Variants in PAK1IP1 observed in about 807,000 individuals in gnomAD.
PAK1IP1 encodes PAK1 interacting protein 1.
In PAK1IP1, 24 loss-of-function variants were observed where a neutral mutation model predicts 42.0. That is an observed-to-expected ratio of 0.57 (90% CI 0.41 to 0.80). The LOEUF is 0.80. Ranked by LOEUF, PAK1IP1 falls within the 30% of genes least tolerant of loss-of-function variation. The probability of loss-of-function intolerance (pLI) is 0.00; values close to 1 mark genes in which losing one functional copy is unlikely to be tolerated. For missense variants in PAK1IP1, 411 were observed against 467.9 expected (o/e 0.88, Z 1.12); for synonymous variants, 154 against 156.7 (o/e 0.98, Z 0.13).
chr6:10,693,069 A>G (rs1382816768), upstream of PAK1IP1, among the ~76,000 whole-genome samples: 4 of 152,310 alleles, frequency 2.6e-5, no homozygotes, highest in East Asian at 3.9e-4. Context: ...CTTTGTGCTA[A>G]TAACTCTGTT....
At chr6:10,707,375 G>T in intron 7 of PAK1IP1, 40 bp from the exon 8 acceptor site, 1 of 1,088,952 alleles carries the variant, frequency 9.2e-7, no homozygotes, top group South Asian at 1.3e-5. Context: ...AGACTATTTG[G>T]AGGAAAAGAT....
upstream of PAK1IP1, chr6:10,694,604 C>T: frequency 6.1e-5 from 12 of 196,386 alleles, no homozygotes; most frequent in South Asian, 2.2e-4. Context: ...CCCTAAGCAA[C>T]CGGCCGGAAG....
Position 10,697,637 on chromosome 6 carries a change from A to G in PAK1IP1, c.247+151A>G, listed in dbSNP as rs112037016. 1,186 of 621,054 alleles carry G rather than the reference A, an allele frequency of 1.9e-3. 11 individuals are homozygous for G. The African/African-American group carries it at 0.02, about 10-fold the overall frequency. The allele number at this position is 621,054 out of a possible 1,614,324, so 38.5% of individuals were successfully genotyped here. On this transcript the variant is annotated intron_variant, in intron 2 of 9. Transcript: ENST00000379568. Reference sequence around the variant, plus strand: ...AAAAATGGTTTCTTAGCCTGGCACAATGGCTCACACCTGTAATCCCAGCAC... The same window carrying G: ...AAAAATGGTTTCTTAGCCTGGCACAGTGGCTCACACCTGTAATCCCAGCAC...
intron 1 of PAK1IP1, 89 bp from the exon 2 acceptor site, chr6:10,697,235 G>A: frequency 9.7e-7 from 1 of 1,033,376 alleles, no homozygotes; most frequent in Non-Finnish European, 1.4e-6. Context: ...ACAGATAAAT[G>A]GTTCCGTGAT....
chr6:10,701,644 T>C (rs1770030730), intron 2 of PAK1IP1, among the ~76,000 whole-genome samples: 1 of 152,184 alleles, frequency 6.6e-6, no homozygotes, highest in African/African-American at 2.4e-5. Flanking sequence ...ATCTGAGTGA[T>C]AAGGATTGGA....
Position 10,700,247 on chromosome 6 carries a change from C to CAG in PAK1IP1, c.248-2122_248-2121insAG, listed in dbSNP as rs545581993. Among the ~76,000 whole-genome samples the CAG allele has an allele frequency of 6.0e-3, 912 of 152,070 alleles. 8 individuals carry two copies. The highest frequency in any genetic ancestry group is 0.021 in the African/African-American group (864 of 41,480). ...CTAATTTTTGTATTTTTAGTAGAGA[C>CAG]GGGTCTAACCATGTTGGCCAAGCTG... On this transcript the variant is annotated intron_variant, in intron 2 of 9. Transcript: ENST00000379568.
At chr6:10,706,756 G>A (rs1770213716) in intron 7 of PAK1IP1, among the ~76,000 whole-genome samples, 1 of 152,054 alleles carries the variant, frequency 6.6e-6, no homozygotes, top group East Asian at 1.9e-4. Flanking sequence ...GGTGGCGCAC[G>A]CCTGTAATCC....
intron 2 of PAK1IP1, among the ~76,000 whole-genome samples, chr6:10,701,274 G>A (rs576837932): frequency 2.2e-4 from 34 of 151,958 alleles, no homozygotes; most frequent in African/African-American, 6.5e-4. Flanking sequence ...ACGGGGTTTC[G>A]CCATGTTGGC....
Position 10,694,978 on chromosome 6 carries a change from G to A in PAK1IP1, c.-8G>A. ...CCGGGCTGGCGGAAGAGGCACGTGC[G>A]CTGCTGAATGGAGCTGGTCGCTGGT... On this transcript the variant is annotated 5_prime_UTR_variant, in exon 1 of 10. Coordinates refer to ENST00000379568, the MANE Select transcript of PAK1IP1 (RefSeq NM_017906.3). The A allele has an allele frequency of 6.3e-7, 1 of 1,592,646 alleles. No individual in the cohort carries two copies. Among genetic ancestry groups the A allele is most frequent in the South Asian group, 1.1e-5 (1 of 90,822 alleles).
intron 1 of PAK1IP1, 123 bp downstream of exon 1, chr6:10,695,192 C>T: frequency 1.5e-6 from 1 of 646,412 alleles, no homozygotes; most frequent in Non-Finnish European, 2.8e-6. Context: ...TGAATCAAAC[C>T]TAAGAGACTT....
rs1048172 is a variant in PAK1IP1 at position 10,709,604 on chromosome 6, A to T, written c.*152A>T. ...AAACCACTTTTAGATGGTTTTTTTT[A>T]AAAAAAAAAAAAAAACTGGTAAAAT... On this transcript the variant is annotated 3_prime_UTR_variant, in exon 10 of 10. Transcript: ENST00000379568. 0.035 allele frequency: 5,772 copies of T among 164,256 alleles called. 87 individuals carry two copies. The highest frequency in any genetic ancestry group is 0.22 in the African/African-American group (2,066 of 9,282). The allele number at this position is 164,256 out of a possible 1,614,324, so 10.2% of individuals were successfully genotyped here. A position where few individuals can be genotyped will look rare whatever the true frequency, so the allele number is the denominator to read the frequency against.
chr6:10,705,616 T>A (rs939283035), intron 7 of PAK1IP1, among the ~76,000 whole-genome samples: 3 of 152,212 alleles, frequency 2.0e-5, no homozygotes, highest in Admixed American at 2.0e-4. Context: ...TCTCTATTTC[T>A]AGGGGGTAGA....
In PAK1IP1 at chr6:10,702,868, G is replaced by A. The variant is rs201276749; in HGVS notation, c.443+229G>A. ...GTCGCCCAGGCTGGAGTGCGGCGGCGTGATCTTGGCTCACTGCAAGCTCCG... is the reference window on the plus strand; with the variant it reads ...GTCGCCCAGGCTGGAGTGCGGCGGCATGATCTTGGCTCACTGCAAGCTCCG... On this transcript the variant is annotated intron_variant, in intron 4 of 9. Coordinates refer to ENST00000379568, the MANE Select transcript of PAK1IP1 (RefSeq NM_017906.3). 8.5e-5 allele frequency among the ~76,000 whole-genome samples: 13 copies of A among 152,064 alleles called. No homozygotes were observed. The East Asian group carries it at 2.3e-3, about 27-fold the overall frequency.
At chr6:10,691,044 CAT>C (rs1468906527), upstream of PAK1IP1, among the ~76,000 whole-genome samples, 2 of 152,282 alleles carry the variant, frequency 1.3e-5, no homozygotes, top group Non-Finnish European at 2.9e-5. Flanking sequence ...GCCGAGGACA[CAT>C]AAAAAAGAGC....
chr6:10,699,373 G>A (rs1019383514), intron 2 of PAK1IP1, among the ~76,000 whole-genome samples: 6 of 152,256 alleles, frequency 3.9e-5, no homozygotes, highest in South Asian at 2.1e-4. Flanking sequence ...GAGTTCTAAC[G>A]TGGAACAGCT....
intron 2 of PAK1IP1, among the ~76,000 whole-genome samples, chr6:10,701,299 ACTC>A (rs770233016): frequency 4.4e-4 from 66 of 150,904 alleles, no homozygotes; most frequent in Non-Finnish European, 7.8e-4. Flanking sequence ...CTGGTATTGA[ACTC>A]CTGACCTCAA....
At chr6:10,695,444 C>T (rs1015657100) in intron 1 of PAK1IP1, among the ~76,000 whole-genome samples, 2 of 152,122 alleles carry the variant, frequency 1.3e-5, no homozygotes, top group African/African-American at 4.8e-5. Flanking sequence ...TTACAAATTA[C>T]TAGAACTAGA....
chr6:10,697,708 G>T (rs1251337066), intron 2 of PAK1IP1, among the ~76,000 whole-genome samples: 1 of 152,016 alleles, frequency 6.6e-6, no homozygotes, highest in East Asian at 1.9e-4. Flanking sequence ...AGTAGCTGGA[G>T]ACCAGACCTG....
upstream of PAK1IP1, among the ~76,000 whole-genome samples, chr6:10,693,731 A>C (rs888420075): frequency 6.6e-6 from 1 of 151,866 alleles, no homozygotes; most frequent in Non-Finnish European, 1.5e-5. Context: ...TTATTAAATA[A>C]AACTTTTTTT....
Sources: allele counts gnomAD v4.1 joint callset (sites outside exome capture counted in the v4.1 genomes callset), GRCh38; gene constraint gnomAD v4.1.1; transcripts MANE v1.5; gene names NCBI Gene and HGNC (gene_info 2026-07-23, HGNC 2026-07-21).